The following MGMT variants were observed in gnomAD, a reference collection of about 807,000 sequenced individuals.
MGMT encodes methylated-DNA--protein-cysteine methyltransferase.
A neutral mutation model predicts 15.9 loss-of-function variants in MGMT; 14 were observed. The observed-to-expected ratio is 0.88, with a 90% CI of 0.58 to 1.37. MGMT has a LOEUF of 1.37. Ranked by LOEUF, MGMT falls within the 40% of genes most tolerant of loss-of-function variation. MGMT has a pLI of 0.00. For synonymous variants in MGMT, 130 were observed against 118.2 expected (o/e 1.10, Z -0.65); for missense variants, 282 against 268.1 (o/e 1.05, Z -0.36).
Position 129,593,864 on chromosome 10 carries a change from G to A in MGMT, c.125+57487G>A, listed in dbSNP as rs375204703. Among the ~76,000 whole-genome samples the A allele has an allele frequency of 5.9e-5, 9 of 152,354 alleles. No individual in the cohort carries two copies. The East Asian group carries it at 1.2e-3, about 20-fold the overall frequency. ...TCAGTGAATCCACGCTCCAGGTGAG[G>A]GGAGGCAAATGTCGGCAGAGAAGGT... On this transcript the variant is annotated intron_variant, in intron 2 of 4. Transcript: ENST00000651593.
chr10:129,537,372 A>G (rs1845997713), intron 2 of MGMT, among the ~76,000 whole-genome samples: 1 of 152,188 alleles, frequency 6.6e-6, no homozygotes, highest in Non-Finnish European at 1.5e-5. Flanking sequence ...GTTACAATCA[A>G]TATAGTCTTT....
At chr10:129,610,810 T>C (rs562651417) in intron 2 of MGMT, among the ~76,000 whole-genome samples, 1 of 152,354 alleles carries the variant, frequency 6.6e-6, no homozygotes, top group African/African-American at 2.4e-5. Flanking sequence ...GTGCATTCAT[T>C]TGCCTCTGTC....
intron 2 of MGMT, chr10:129,700,994 C>G (rs1320920567): frequency 6.6e-6 from 1 of 152,272 alleles, no homozygotes; most frequent in Non-Finnish European, 1.5e-5. Context: ...GAAGCCTCTC[C>G]TGGCCCTCCA....
intron 3 of MGMT, among the ~76,000 whole-genome samples, chr10:129,732,659 A>C: frequency 6.9e-6 from 1 of 145,952 alleles, no homozygotes; most frequent in South Asian, 2.3e-4. Flanking sequence ...TGCACCCACT[A>C]ACTCGTCATC....
chr10:129,653,980 C>A (rs1428648023), intron 2 of MGMT, among the ~76,000 whole-genome samples: 1 of 152,106 alleles, frequency 6.6e-6, no homozygotes, highest in African/African-American at 2.4e-5. Flanking sequence ...CCCTCAGAGA[C>A]CCCTGCTTGG....
chr10:129,607,202 C>T (rs186488311), intron 2 of MGMT, among the ~76,000 whole-genome samples: 15 of 152,042 alleles, frequency 9.9e-5, no homozygotes, highest in Admixed American at 8.5e-4. Flanking sequence ...AGAATCAGAA[C>T]CACGCGTAAA....
intron 1 of MGMT, among the ~76,000 whole-genome samples, chr10:129,510,276 A>G (rs60083925): frequency 0.069 from 10,431 of 152,216 alleles, 1,197 homozygotes; most frequent in African/African-American, 0.24. Context: ...GTAGGAAGTT[A>G]CATACCTTGG....
At chr10:129,731,545 G>T (rs555905824) in intron 3 of MGMT, among the ~76,000 whole-genome samples, 1 of 151,672 alleles carries the variant, frequency 6.6e-6, no homozygotes, top group Admixed American at 6.6e-5. Flanking sequence ...ACAGGCACCC[G>T]CCACCACACC....
intron 1 of MGMT, among the ~76,000 whole-genome samples, chr10:129,498,108 T>C (rs1175228258): frequency 2.6e-5 from 4 of 152,168 alleles, no homozygotes; most frequent in Admixed American, 2.0e-4. Flanking sequence ...CTCGTTTGGG[T>C]TTGCTGATGT....
intron 2 of MGMT, among the ~76,000 whole-genome samples, chr10:129,613,007 C>T (rs1018220011): frequency 2.6e-5 from 4 of 152,122 alleles, no homozygotes; most frequent in Non-Finnish European, 5.9e-5. Flanking sequence ...AGTTCAGACC[C>T]ACTACACAGA....
intron 2 of MGMT, among the ~76,000 whole-genome samples, chr10:129,683,859 G>A (rs1199725714): frequency 6.6e-6 from 1 of 152,216 alleles, no homozygotes; most frequent in African/African-American, 2.4e-5. Context: ...ATGGCAGTCT[G>A]CAGAAGATGT....
At chr10:129,723,957 TC>T (rs1310445283) in intron 3 of MGMT, among the ~76,000 whole-genome samples, 2 of 152,212 alleles carry the variant, frequency 1.3e-5, no homozygotes, top group African/African-American at 4.8e-5. Flanking sequence ...TTGCAAAAGG[TC>T]TAGCAGCTGC....
intron 1 of MGMT, among the ~76,000 whole-genome samples, chr10:129,486,205 G>T (rs1483129690): frequency 5.6e-5 from 8 of 142,882 alleles, no homozygotes; most frequent in African/African-American, 1.6e-4. Flanking sequence ...TTGGTGGGGG[G>T]TAGACAGAGT....
chr10:129,631,691 G>T (rs907471921), intron 2 of MGMT, among the ~76,000 whole-genome samples: 1 of 152,124 alleles, frequency 6.6e-6, no homozygotes. Context: ...GGGTGAGATG[G>T]TGTGCACCTG....
intron 3 of MGMT, among the ~76,000 whole-genome samples, chr10:129,755,935 G>A (rs1848801297): frequency 6.6e-6 from 1 of 152,178 alleles, no homozygotes; most frequent in Non-Finnish European, 1.5e-5. Flanking sequence ...TTCCTTATTG[G>A]AGCTGGGTTT....
chr10:129,666,574 C>A (rs545591637), intron 2 of MGMT, among the ~76,000 whole-genome samples: 5 of 152,190 alleles, frequency 3.3e-5, no homozygotes, highest in African/African-American at 1.2e-4. Context: ...TTTATTATTT[C>A]TGACATACAG....
intron 2 of MGMT, among the ~76,000 whole-genome samples, chr10:129,622,699 G>A (rs556063705): frequency 6.6e-6 from 1 of 152,190 alleles, no homozygotes; most frequent in South Asian, 2.1e-4. Context: ...GTTTAAATAA[G>A]TTCTGGATTG....
chr10:129,474,043 G>T (rs758709909), intron 1 of MGMT, among the ~76,000 whole-genome samples: 4 of 152,252 alleles, frequency 2.6e-5, no homozygotes, highest in Non-Finnish European at 5.9e-5. Flanking sequence ...AGTGGCCCAA[G>T]GGGTGGGCAT....
intron 2 of MGMT, among the ~76,000 whole-genome samples, chr10:129,693,131 G>C (rs972701937): frequency 6.6e-6 from 1 of 152,178 alleles, no homozygotes; most frequent in Non-Finnish European, 1.5e-5. Flanking sequence ...TCTGATGGTC[G>C]TGTAAGTCCA....
Sources: allele counts gnomAD v4.1 joint callset (sites outside exome capture counted in the v4.1 genomes callset), GRCh38; gene constraint gnomAD v4.1.1; transcripts MANE v1.5; gene names NCBI Gene and HGNC (gene_info 2026-07-23, HGNC 2026-07-21).